The following FAM241A variants were observed in gnomAD, a reference collection of about 807,000 sequenced individuals.
FAM241A encodes the protein family with sequence similarity 241 member A.
A neutral mutation model predicts 12.2 loss-of-function variants in FAM241A; 7 were observed. The observed-to-expected ratio is 0.58, with a 90% CI of 0.33 to 1.08. The LOEUF (loss-of-function observed/expected upper bound fraction) is 1.08. FAM241A is among the 50% of genes least tolerant of loss of function. FAM241A has a pLI of 0.04. For missense variants in FAM241A, 161 were observed against 169.7 expected, an observed-to-expected ratio of 0.95 and a Z score of 0.29; for synonymous variants, 74 against 68.2, an observed-to-expected ratio of 1.08 and a Z score of -0.42.
Position 112,186,925 on chromosome 4 carries a change from A to G in FAM241A, c.386A>G (p.Tyr129Cys). The G allele has an allele frequency of 6.2e-7, 1 of 1,613,170 alleles. No individual in the cohort carries two copies. The highest frequency in any genetic ancestry group is 8.5e-7 in the Non-Finnish European group (1 of 1,179,474). ...GCTGTTCTTTGCCTTGTTATTATTTATGTGCAACAGTAAAACATGGCCGAA... is the reference window on the plus strand; with the variant it reads ...GCTGTTCTTTGCCTTGTTATTATTTGTGTGCAACAGTAAAACATGGCCGAA... ...LVAVLCLVII[Y>C]VQQ Residue 129 changes from tyrosine (Y) to cysteine (C), a missense_variant, in exon 2 of 2, where the codon TAT (tyrosine) becomes TGT (cysteine). Transcript: ENST00000309733.
At chr4:112,185,886 G>A (rs188454648) in intron 1 of FAM241A, among the ~76,000 whole-genome samples, 116 of 152,274 alleles carry the variant, frequency 7.6e-4, no homozygotes, top group Middle Eastern at 3.4e-3. Flanking sequence ...AAACCCATCC[G>A]AAGGAAACAG....
intron 1 of FAM241A, among the ~76,000 whole-genome samples, chr4:112,171,970 T>C (rs905354595): frequency 6.6e-6 from 1 of 152,230 alleles, no homozygotes; most frequent in Non-Finnish European, 1.5e-5. Flanking sequence ...TTTTAAAAAC[T>C]GATACATTGA....
At chr4:112,182,777 A>G (rs755990705) in intron 1 of FAM241A, among the ~76,000 whole-genome samples, 11 of 152,192 alleles carry the variant, frequency 7.2e-5, no homozygotes, top group Non-Finnish European at 1.6e-4. Context: ...CAAACGCTGT[A>G]AAATAGAGCT....
chr4:112,162,109 AC>A (rs1295399875), intron 1 of FAM241A, among the ~76,000 whole-genome samples: 16 of 152,264 alleles, frequency 1.1e-4, no homozygotes, highest in East Asian at 9.6e-4. Flanking sequence ...AAATTCAACA[AC>A]CCTTCATGCT....
At chr4:112,153,977 T>C (rs563276286) in intron 1 of FAM241A, among the ~76,000 whole-genome samples, 1 of 152,252 alleles carries the variant, frequency 6.6e-6, no homozygotes, top group Non-Finnish European at 1.5e-5. Flanking sequence ...TTCCAATTAA[T>C]CCAAAATAAT....
chr4:112,172,499 C>A (rs1723744865), intron 1 of FAM241A, among the ~76,000 whole-genome samples: 1 of 152,152 alleles, frequency 6.6e-6, no homozygotes, highest in African/African-American at 2.4e-5. Context: ...TTAAAAACAT[C>A]ATTTAAATAT....
intron 1 of FAM241A, among the ~76,000 whole-genome samples, chr4:112,147,629 A>G (rs1429369328): frequency 6.6e-6 from 1 of 152,248 alleles, no homozygotes; most frequent in Non-Finnish European, 1.5e-5. Context: ...TTGAGGAAGA[A>G]ATGAAATTAA....
At chr4:112,151,764 T>A (rs1723248687) in intron 1 of FAM241A, among the ~76,000 whole-genome samples, 1 of 152,244 alleles carries the variant, frequency 6.6e-6, no homozygotes, top group South Asian at 2.1e-4. Flanking sequence ...AAGCCAATAG[T>A]TGTTCCCTAG....
At chr4:112,151,188 G>C (rs530230537) in intron 1 of FAM241A, among the ~76,000 whole-genome samples, 4 of 152,096 alleles carry the variant, frequency 2.6e-5, no homozygotes, top group Admixed American at 2.6e-4. Flanking sequence ...GTAAATTGTC[G>C]CCCACTTAGT....
intron 1 of FAM241A, among the ~76,000 whole-genome samples, chr4:112,177,554 A>G (rs756774622): frequency 6.6e-6 from 1 of 152,134 alleles, no homozygotes; most frequent in Non-Finnish European, 1.5e-5. Context: ...ATGGGGGGAA[A>G]TAATAGTGCC....
At chr4:112,158,979 ACAT>A (rs1723408559) in intron 1 of FAM241A, among the ~76,000 whole-genome samples, 3 of 152,072 alleles carry the variant, frequency 2.0e-5, no homozygotes, top group Admixed American at 2.0e-4. Flanking sequence ...CCCCATACAT[ACAT>A]ACTTCCCAGC....
At position 112,154,228 on chromosome 4, in the gene FAM241A, C is replaced by CT. The variant is rs377756071; in HGVS notation, c.153+8501dup. On this transcript the variant is annotated intron_variant, in intron 1 of 1. Coordinates refer to ENST00000309733, the MANE Select transcript of FAM241A (RefSeq NM_152400.3). ...CAGGAGAGATATTTGATTTTGACTACTTTTTTCCCCTAAGTTTGATACTTT... is the reference window on the plus strand; with the variant it reads ...CAGGAGAGATATTTGATTTTGACTACTTTTTTTCCCCTAAGTTTGATACTTT... Among the ~76,000 whole-genome samples, 10 of 152,152 alleles carry CT rather than the reference C, an allele frequency of 6.6e-5. 1 individual carries two copies. The highest frequency in any genetic ancestry group is 1.7e-4 in the African/African-American group (7 of 41,528).
intron 1 of FAM241A, among the ~76,000 whole-genome samples, chr4:112,150,548 T>C (rs1359000264): frequency 1.3e-5 from 2 of 152,206 alleles, no homozygotes; most frequent in Non-Finnish European, 2.9e-5. Context: ...CAATGCTGGC[T>C]CATAGATAAA....
rs143318871 is a variant in FAM241A, at chr4:112,175,395, T to C, written c.154-11298T>C. Among the ~76,000 whole-genome samples the C allele has an allele frequency of 5.6e-3, 851 of 152,278 alleles. 41 individuals are homozygous for C. The South Asian group carries it at 0.12, about 22-fold the overall frequency. ...AAAAACAACACAGAAAAAACCTGTC[T>C]CTTTTTCAATAGTTGCAGTAAAAGT... is the stretch of plus-strand genomic sequence containing the variant. On this transcript the variant is annotated intron_variant, in intron 1 of 1. Coordinates refer to ENST00000309733, the MANE Select transcript of FAM241A (RefSeq NM_152400.3).
chr4:112,149,169 A>G (rs1224797304), intron 1 of FAM241A, among the ~76,000 whole-genome samples: 4 of 152,068 alleles, frequency 2.6e-5, no homozygotes, highest in African/African-American at 2.4e-5. Context: ...GTGTATATGC[A>G]TATATACACA....
chr4:112,191,446 T>G lies in FAM241A; in HGVS notation c.*4508T>G, dbSNP rs1724162500. ...CAATGGCTTTCTGTTTTCGTTATGATAAAGTCCTTATGCCTTAATATGTTT... is the reference window on the plus strand; with the variant it reads ...CAATGGCTTTCTGTTTTCGTTATGAGAAAGTCCTTATGCCTTAATATGTTT... On this transcript the variant is annotated 3_prime_UTR_variant, in exon 2 of 2. Transcript: ENST00000309733. The G allele has an allele frequency of 1.3e-5, 2 of 152,242 alleles. No homozygotes were observed. The highest frequency in any genetic ancestry group is 6.5e-5 in the Admixed American group (1 of 15,280). The allele number at this position is 152,242 out of a possible 1,614,324, so 9.4% of individuals were successfully genotyped here. A position where few individuals can be genotyped will look rare whatever the true frequency, so the allele number is the denominator to read the frequency against.
Position 112,187,105 on chromosome 4 carries a change from A to G in FAM241A, c.*167A>G. ...GATGTCACTTAAAACTAAACTCTTG[A>G]TCATAACAGGGTTGAATATATATTT... On this transcript the variant is annotated 3_prime_UTR_variant, in exon 2 of 2. Coordinates refer to ENST00000309733, the MANE Select transcript of FAM241A (RefSeq NM_152400.3). The G allele has an allele frequency of 1.4e-6, 1 of 695,582 alleles. No individual in the cohort carries two copies. The highest frequency in any genetic ancestry group is 2.6e-5 in the East Asian group (1 of 38,274). 43.1% of individuals were successfully genotyped at this position (695,582 alleles called of 1,614,324 possible).
chr4:112,159,622 C>G (rs554243211), intron 1 of FAM241A, among the ~76,000 whole-genome samples: 1 of 149,882 alleles, frequency 6.7e-6, no homozygotes, highest in Non-Finnish European at 1.5e-5. Flanking sequence ...AAGGATAGTT[C>G]AACATACACA....
chr4:112,164,031 G>A (rs1023070876), intron 1 of FAM241A, among the ~76,000 whole-genome samples: 27 of 151,386 alleles, frequency 1.8e-4, no homozygotes, highest in Non-Finnish European at 3.1e-4. Flanking sequence ...ACCAAACACC[G>A]CATGTTCTCA....
Sources: gnomAD v4.1 joint callset for allele counts (sites outside exome capture counted in the v4.1 genomes callset) on GRCh38, gnomAD v4.1.1 for gene constraint, MANE v1.5 for transcripts, NCBI Gene and HGNC (gene_info 2026-07-23, HGNC 2026-07-21) for gene names.